Variants in CDH9 observed in about 807,000 individuals in gnomAD.
CDH9 encodes cadherin 9.
CDH9 carries 28 observed loss-of-function variants against 70.9 expected under a neutral mutation model. The observed-to-expected ratio is 0.40, with a 90% CI of 0.29 to 0.54. CDH9 has a LOEUF of 0.54. Ranked by LOEUF, CDH9 falls within the 20% of genes least tolerant of loss-of-function variation. The pLI is 0.59. For missense variants in CDH9, 874 were observed against 984.4 expected (o/e 0.89, Z 1.50); for synonymous variants, 409 against 343.1 (o/e 1.19, Z -2.12).
At chr5:27,035,637 C>T (rs1358820598) in intron 1 of CDH9, among the ~76,000 whole-genome samples, 4 of 150,164 alleles carry the variant, frequency 2.7e-5, no homozygotes, top group African/African-American at 9.8e-5. Flanking sequence ...AAAATCTCAC[C>T]ATGAATCAAA....
At chr5:26,903,921 G>T in intron 5 of CDH9, 97 bp from the exon 6 acceptor site, 1 of 640,240 alleles carries the variant, frequency 1.6e-6, no homozygotes, top group South Asian at 2.0e-5. Flanking sequence ...ATTTTAAATA[G>T]GGAGAGTTTT....
At chr5:26,972,031 A>T (rs1054240394) in intron 2 of CDH9, among the ~76,000 whole-genome samples, 4 of 152,200 alleles carry the variant, frequency 2.6e-5, no homozygotes, top group African/African-American at 9.7e-5. Context: ...TGAATGTCCT[A>T]TTTTAAAGGT....
intron 10 of CDH9, 27 bp from the exon 11 acceptor site, chr5:26,885,892 A>C (rs781091346): frequency 6.2e-7 from 1 of 1,606,770 alleles, no homozygotes; most frequent in South Asian, 1.1e-5. Flanking sequence ...GTAAAAAAAC[A>C]AAAACTTTCA....
At chr5:26,943,277 C>CG (rs1456180956) in intron 2 of CDH9, among the ~76,000 whole-genome samples, 1 of 151,910 alleles carries the variant, frequency 6.6e-6, no homozygotes, top group Non-Finnish European at 1.5e-5. Context: ...TTTGGGAGGC[C>CG]GAGGCGGGCA....
chr5:26,892,312 A>G (rs1355482333), intron 7 of CDH9, among the ~76,000 whole-genome samples: 1 of 152,154 alleles, frequency 6.6e-6, no homozygotes, highest in Non-Finnish European at 1.5e-5. Flanking sequence ...ATTTAGGTGA[A>G]TCACATACGA....
chr5:27,019,986 T>C (rs191886447), intron 1 of CDH9, among the ~76,000 whole-genome samples: 13 of 151,898 alleles, frequency 8.6e-5, no homozygotes, highest in African/African-American at 2.9e-4. Context: ...TGTTGGAAGG[T>C]TGGGTTTAGA....
chr5:26,915,503 T>G (rs1207887885), intron 3 of CDH9, 127 bp downstream of exon 3: 5 of 590,700 alleles, frequency 8.5e-6, no homozygotes, highest in African/African-American at 7.4e-5. Context: ...TAGTTTAAGC[T>G]AAATAGTAGT....
chr5:26,907,646 G>A (rs1278032987), intron 3 of CDH9, among the ~76,000 whole-genome samples: 6 of 152,004 alleles, frequency 3.9e-5, no homozygotes, highest in Non-Finnish European at 2.9e-5. Flanking sequence ...GCAGGGATCA[G>A]CATAATAAAA....
chr5:26,983,762 A>G (rs774493221), intron 2 of CDH9, among the ~76,000 whole-genome samples: 10 of 152,166 alleles, frequency 6.6e-5, no homozygotes, highest in Non-Finnish European at 1.0e-4. Context: ...GTGATATACT[A>G]TAACAACTCA....
At chr5:26,901,260 A>G (rs1160518197) in intron 7 of CDH9, among the ~76,000 whole-genome samples, 3 of 151,898 alleles carry the variant, frequency 2.0e-5, no homozygotes, top group African/African-American at 7.2e-5. Flanking sequence ...CTGATAATGT[A>G]TTTTTTTAAA....
chr5:26,958,340 G>A (rs1007762902), intron 2 of CDH9, among the ~76,000 whole-genome samples: 9 of 152,038 alleles, frequency 5.9e-5, no homozygotes, highest in African/African-American at 2.2e-4. Context: ...TTGAAATAAG[G>A]CATATGCTTT....
chr5:26,967,880 T>G (rs1436474121), intron 2 of CDH9, among the ~76,000 whole-genome samples: 1 of 152,066 alleles, frequency 6.6e-6, no homozygotes, highest in Non-Finnish European at 1.5e-5. Flanking sequence ...ACTTTTTCTT[T>G]TTTAAAATTT....
intron 2 of CDH9, among the ~76,000 whole-genome samples, chr5:26,967,011 C>A (rs781406702): frequency 2.3e-4 from 35 of 152,138 alleles, no homozygotes; most frequent in Non-Finnish European, 4.0e-4. Flanking sequence ...CAGCTCGTTG[C>A]AGCCTGGATC....
At chr5:26,997,051 C>A (rs1742677776) in intron 1 of CDH9, among the ~76,000 whole-genome samples, 1 of 151,744 alleles carries the variant, frequency 6.6e-6, no homozygotes, top group South Asian at 2.1e-4. Flanking sequence ...TCTTGAATGA[C>A]CTTTTGCTAA....
At chr5:26,890,373 AT>A in intron 8 of CDH9, 54 bp downstream of exon 8, 1 of 1,509,382 alleles carries the variant, frequency 6.6e-7, no homozygotes, top group Non-Finnish European at 9.2e-7. Context: ...TGGTGCTATT[AT>A]TTTACCACTT....
chr5:26,971,079 T>G (rs114125612), intron 2 of CDH9, among the ~76,000 whole-genome samples: 2,695 of 152,268 alleles, frequency 0.018, 96 homozygotes, highest in African/African-American at 0.061. Context: ...AAGTTCCTTT[T>G]GACATAAATG....
chr5:26,899,188 G>T (rs1406948116), intron 7 of CDH9, among the ~76,000 whole-genome samples: 10 of 151,732 alleles, frequency 6.6e-5, no homozygotes, highest in Non-Finnish European at 1.2e-4. Context: ...TGGAGAGTAT[G>T]TGGAGAAATA....
intron 2 of CDH9, among the ~76,000 whole-genome samples, chr5:26,948,820 AT>A (rs940294420): frequency 1.3e-5 from 2 of 152,236 alleles, no homozygotes; most frequent in African/African-American, 4.8e-5. Context: ...GATTGGCTTA[AT>A]TGTTTAAGTG....
chr5:26,919,938 T>C (rs140246420), intron 2 of CDH9, among the ~76,000 whole-genome samples: 3 of 152,190 alleles, frequency 2.0e-5, no homozygotes, highest in Non-Finnish European at 4.4e-5. Flanking sequence ...AGAGCTGTAC[T>C]GGCTTCAGGT....
Sources: gnomAD v4.1 joint callset for allele counts (sites outside exome capture counted in the v4.1 genomes callset) on GRCh38, gnomAD v4.1.1 for gene constraint, MANE v1.5 for transcripts, NCBI Gene and HGNC (gene_info 2026-07-23, HGNC 2026-07-21) for gene names.